The following ERICH6B variants were observed in gnomAD, a reference collection of about 807,000 sequenced individuals.
ERICH6B encodes the protein glutamate rich 6B.
Under a neutral mutation model 80.0 loss-of-function variants are expected in ERICH6B, and 69 were observed. That is an observed-to-expected ratio of 0.86 (90% confidence interval 0.71 to 1.05). The LOEUF (loss-of-function observed/expected upper bound fraction) is 1.05. ERICH6B is among the 50% of genes least tolerant of loss of function. The pLI is 0.00. For missense variants in ERICH6B, 754 were observed against 796.1 expected (o/e 0.95, Z 0.64); for synonymous variants, 283 against 291.9 (o/e 0.97, Z 0.31).
At chr13:45,550,869 C>T (rs1490784504) in intron 11 of ERICH6B, among the ~76,000 whole-genome samples, 1 of 152,112 alleles carries the variant, frequency 6.6e-6, no homozygotes, top group African/African-American at 2.4e-5. Flanking sequence ...TGGGGCACAC[C>T]CTACTTCAAG....
chr13:45,578,781 G>A (rs935526448), intron 7 of ERICH6B, among the ~76,000 whole-genome samples: 6 of 152,202 alleles, frequency 3.9e-5, no homozygotes, highest in Non-Finnish European at 7.3e-5. Context: ...GGCCAGGCAC[G>A]GTGGCTCACG....
intron 2 of ERICH6B, among the ~76,000 whole-genome samples, chr13:45,606,366 C>A (rs1180963909): frequency 2.0e-5 from 3 of 150,840 alleles, no homozygotes; most frequent in South Asian, 2.1e-4. Flanking sequence ...TGAAAAATAC[C>A]TTTCTACCCA....
intron 2 of ERICH6B, among the ~76,000 whole-genome samples, chr13:45,599,495 G>A (rs750872197): frequency 2.0e-5 from 3 of 152,018 alleles, no homozygotes; most frequent in Admixed American, 1.3e-4. Flanking sequence ...GCAAAACAGC[G>A]GGCTCTGTGA....
intron 5 of ERICH6B, 121 bp downstream of exon 5, chr13:45,586,939 CAGT>C: frequency 9.4e-7 from 1 of 1,065,488 alleles, no homozygotes; most frequent in Non-Finnish European, 1.3e-6. Flanking sequence ...GCAACAGAAA[CAGT>C]AGGATATCAT....
At chr13:45,601,258 T>C (rs964631132) in intron 2 of ERICH6B, among the ~76,000 whole-genome samples, 2 of 152,100 alleles carry the variant, frequency 1.3e-5, no homozygotes, top group Non-Finnish European at 2.9e-5. Flanking sequence ...ATGAGTAAAA[T>C]ATATTTTTAC....
chr13:45,598,688 T>G (rs961684151), intron 2 of ERICH6B, among the ~76,000 whole-genome samples: 2 of 152,070 alleles, frequency 1.3e-5, no homozygotes, highest in African/African-American at 4.8e-5. Context: ...TCCAATAGGG[T>G]TAGCCTGGGG....
chr13:45,579,304 G>A (rs1395476931), intron 7 of ERICH6B, among the ~76,000 whole-genome samples: 1 of 152,142 alleles, frequency 6.6e-6, no homozygotes, highest in East Asian at 1.9e-4. Flanking sequence ...AGCAGCTGCT[G>A]TGTGTGTGTA....
At position 45,590,498 on chromosome 13, in the gene ERICH6B, G is replaced by A. The variant is rs923493093; in HGVS notation, c.686+151C>T. ...CTGTGAGTGACTGAGTGGCAGAGGC[G>A]AGCAGGGTTGTAACTTCCAGGAACC... is the stretch of plus-strand genomic sequence containing the variant. On this transcript the variant is annotated intron_variant, in intron 4 of 14. Coordinates refer to ENST00000298738, the MANE Select transcript of ERICH6B (RefSeq NM_182542.3). 2.4e-5 allele frequency: 16 copies of A among 663,910 alleles called. No individual in the cohort carries two copies. The Admixed American group carries it at 2.9e-4, about 12-fold the overall frequency. 41.1% of individuals were successfully genotyped at this position (663,910 alleles called of 1,614,324 possible).
chr13:45,580,803 C>A, intron 5 of ERICH6B, 138 bp from the exon 6 acceptor site: 1 of 775,894 alleles, frequency 1.3e-6, no homozygotes, highest in Non-Finnish European at 2.1e-6. Flanking sequence ...CTGAGGCTGG[C>A]GGCACAGCTG....
intron 8 of ERICH6B, among the ~76,000 whole-genome samples, chr13:45,571,884 G>C (rs1875186872): frequency 6.6e-6 from 1 of 152,148 alleles, no homozygotes; most frequent in South Asian, 2.1e-4. Context: ...AGATACCTGG[G>C]CCATATCCTT....
chr13:45,579,818 C>A, intron 7 of ERICH6B, 115 bp downstream of exon 7: 3 of 1,027,008 alleles, frequency 2.9e-6, no homozygotes, highest in Non-Finnish European at 4.4e-6. Context: ...TCAGTCCCCT[C>A]TGGGCCCTGG....
At chr13:45,605,027 T>C (rs1222684597) in intron 2 of ERICH6B, among the ~76,000 whole-genome samples, 2 of 152,106 alleles carry the variant, frequency 1.3e-5, no homozygotes, top group Non-Finnish European at 2.9e-5. Flanking sequence ...TCTCTAAAGC[T>C]CTTCCCAGCG....
Position 45,596,942 on chromosome 13 carries a change from AT to A in ERICH6B, c.63del (p.Gln21HisfsTer16), listed in dbSNP as rs1876421370. On this transcript the variant is annotated frameshift_variant, in exon 3 of 15. Transcript: ENST00000298738. LOFTEE classifies it high-confidence loss of function. The stretch of plus-strand genomic sequence containing the variant: ...TCTGAAGGCAAGTTCTGTGTGGAAT[AT>A]TGGGGAGTTGTGGGAGGGTGAGGAG... Reference protein sequence around the residue: ...ASPPHPPTTPQYSTQNLPSEK... With the variant: ...ASPPHPPTTPXYSTQNLPSEK... 1 of 1,551,718 alleles carries A rather than the reference AT, an allele frequency of 6.4e-7. No individual in the cohort carries two copies.
rs372387994 is a variant in ERICH6B at position 45,587,287 on chromosome 13, C to A, written c.687-55G>T. The A allele has an allele frequency of 1.0e-4, 156 of 1,510,652 alleles. No homozygotes were observed. In the African/African-American group the frequency reaches 2.0e-3, roughly 19 times the overall value. The allele number at this position is 1,510,652 out of a possible 1,614,324, so 93.6% of individuals were successfully genotyped here. On this transcript the variant is annotated intron_variant, in intron 4 of 14. Coordinates refer to ENST00000298738, the MANE Select transcript of ERICH6B (RefSeq NM_182542.3). ...TTCCAGACAGGGGCCAGGTCAGGAACCCCTTCTAAGGCATGTTAGGGGTTG... is the reference window on the plus strand; with the variant it reads ...TTCCAGACAGGGGCCAGGTCAGGAAACCCTTCTAAGGCATGTTAGGGGTTG...
In ERICH6B at chr13:45,590,646, T is replaced by C; in HGVS notation, c.686+3A>G. The C allele has an allele frequency of 6.4e-7, 1 of 1,551,360 alleles. No individual in the cohort carries two copies. Among genetic ancestry groups the C allele is most frequent in the Non-Finnish European group, 8.7e-7 (1 of 1,146,858 alleles). The stretch of plus-strand genomic sequence containing the variant: ...CTGATTTATCCCAAAAGAAAACTGT[T>C]ACCTTGCATCACGAAGAAGCATGGT... On this transcript the variant is annotated splice_donor_region_variant and intron_variant, in intron 4 of 14. Transcript: ENST00000298738.
chr13:45,555,266 G>T (rs1874389831), intron 11 of ERICH6B, among the ~76,000 whole-genome samples: 1 of 152,098 alleles, frequency 6.6e-6, no homozygotes, highest in African/African-American at 2.4e-5. Context: ...TTATATGAGG[G>T]CTTCCAACGC....
chr13:45,610,269 G>A (rs897998429), intron 1 of ERICH6B, among the ~76,000 whole-genome samples: 3 of 151,704 alleles, frequency 2.0e-5, no homozygotes, highest in African/African-American at 7.3e-5. Flanking sequence ...TACTCCTGTG[G>A]CCCACTCAAA....
At chr13:45,544,324 T>C (rs963338600) in intron 14 of ERICH6B, among the ~76,000 whole-genome samples, 1 of 152,118 alleles carries the variant, frequency 6.6e-6, no homozygotes, top group African/African-American at 2.4e-5. Flanking sequence ...ATCCACCTGC[T>C]TCGGCCCCTC....
chr13:45,541,374 G>T lies in ERICH6B; in HGVS notation c.*88C>A, dbSNP rs777194424. 2 of 1,160,948 alleles carry T rather than the reference G, an allele frequency of 1.7e-6. No homozygotes were observed. The highest frequency in any genetic ancestry group is 2.4e-6 in the Non-Finnish European group (2 of 817,060). 71.9% of individuals were successfully genotyped at this position (1,160,948 alleles called of 1,614,324 possible). On this transcript the variant is annotated 3_prime_UTR_variant, in exon 15 of 15. Coordinates refer to ENST00000298738, the MANE Select transcript of ERICH6B (RefSeq NM_182542.3). ...AATTACAAACCAACTCTCATAAAAG[G>T]TCAACAGGTCTTTGGGTTTTTTTTC...
Sources: gnomAD v4.1 joint callset for allele counts (sites outside exome capture counted in the v4.1 genomes callset) on GRCh38, gnomAD v4.1.1 for gene constraint, MANE v1.5 for transcripts, NCBI Gene and HGNC (gene_info 2026-07-23, HGNC 2026-07-21) for gene names.